The following ACYP2 variants were observed in gnomAD, a reference collection of about 807,000 sequenced individuals.
ACYP2 encodes acylphosphatase-2.
In ACYP2, 12 loss-of-function variants were observed where a neutral mutation model predicts 11.2. The observed-to-expected ratio is 1.08, with a 90% CI of 0.69 to 1.74. The LOEUF (loss-of-function observed/expected upper bound fraction) is 1.74. ACYP2 is among the 40% of genes most tolerant of loss of function. The pLI is 0.00. For synonymous variants in ACYP2, 43 were observed against 32.2 expected, an observed-to-expected ratio of 1.33 and a Z score of -1.13; for missense variants, 134 against 101.9, an observed-to-expected ratio of 1.31 and a Z score of -1.35.
chr2:54,124,098 T>G (rs1013011984), intron 4 of ACYP2, among the ~76,000 whole-genome samples: 1 of 152,118 alleles, frequency 6.6e-6, no homozygotes, highest in Non-Finnish European at 1.5e-5. Context: ...AAAGGACACA[T>G]TACAAAAAGA....
chr2:54,080,903 G>A (rs575284978), intron 4 of ACYP2, among the ~76,000 whole-genome samples: 1 of 152,262 alleles, frequency 6.6e-6, no homozygotes, highest in Admixed American at 6.5e-5. Flanking sequence ...TAGGATTATA[G>A]GGGTTAGCCA....
intron 6 of ACYP2, among the ~76,000 whole-genome samples, chr2:54,245,497 T>C (rs1332445864): frequency 6.6e-6 from 1 of 151,840 alleles, no homozygotes; most frequent in Non-Finnish European, 1.5e-5. Flanking sequence ...CCACCAACAG[T>C]GTGTAAGTGT....
intron 4 of ACYP2, among the ~76,000 whole-genome samples, chr2:54,090,500 G>A (rs1034002526): frequency 1.8e-4 from 27 of 152,102 alleles, no homozygotes; most frequent in African/African-American, 4.8e-4. Flanking sequence ...GCGGGGTGGC[G>A]TGCGCCTGGA....
chr2:53,978,425 A>T (rs1387469807), intron 2 of ACYP2, among the ~76,000 whole-genome samples: 1 of 152,212 alleles, frequency 6.6e-6, no homozygotes, highest in Non-Finnish European at 1.5e-5. Flanking sequence ...TGTACAGCAT[A>T]ATGATGTTTT....
chr2:54,089,535 C>G (rs983866382), intron 4 of ACYP2, among the ~76,000 whole-genome samples: 1 of 151,366 alleles, frequency 6.6e-6, no homozygotes, highest in East Asian at 2.0e-4. Flanking sequence ...TTGAGGAGTT[C>G]GAGACCAGCC....
At chr2:54,225,243 G>C (rs534205018) in intron 6 of ACYP2, among the ~76,000 whole-genome samples, 1 of 152,302 alleles carries the variant, frequency 6.6e-6, no homozygotes, top group East Asian at 1.9e-4. Context: ...GCAGGGGTGA[G>C]CCAGGATATG....
At chr2:54,226,647 G>A (rs1264221647) in intron 6 of ACYP2, among the ~76,000 whole-genome samples, 1 of 152,206 alleles carries the variant, frequency 6.6e-6, no homozygotes, top group Non-Finnish European at 1.5e-5. Context: ...AGATGTGACA[G>A]AGGTCAGCCC....
intron 6 of ACYP2, chr2:54,254,980 C>G (rs1687422695): frequency 6.2e-7 from 1 of 1,614,112 alleles, no homozygotes; most frequent in African/African-American, 1.3e-5. Context: ...CAGGCGACGT[C>G]TAGCTCTATG....
chr2:54,196,613 T>C (rs1684491308), intron 6 of ACYP2, among the ~76,000 whole-genome samples: 1 of 152,252 alleles, frequency 6.6e-6, no homozygotes, highest in African/African-American at 2.4e-5. Flanking sequence ...TTTGGTGCTA[T>C]TGGCATTTGG....
Position 54,255,317 on chromosome 2 carries a change from T to C in ACYP2, c.405-49371T>C, listed in dbSNP as rs750879506. On this transcript the variant is annotated intron_variant, in intron 6 of 6. Transcript: ENST00000607452. The stretch of plus-strand genomic sequence containing the variant: ...TGTCTGAGCTCCTTCACTTCCAAAT[T>C]GGTTAAGTAGCTTAACATCTCGGCA... 4.3e-6 allele frequency: 7 copies of C among 1,614,066 alleles called. No homozygotes were observed. In the East Asian group the frequency reaches 1.1e-4, roughly 26 times the overall value.
At chr2:54,037,656 C>G (rs1026259652) in intron 2 of ACYP2, among the ~76,000 whole-genome samples, 3 of 152,164 alleles carry the variant, frequency 2.0e-5, no homozygotes, top group African/African-American at 7.2e-5. Flanking sequence ...GATCCTCCCC[C>G]CTCACCCTCC....
At chr2:54,019,878 C>T (rs1236484676) in intron 2 of ACYP2, among the ~76,000 whole-genome samples, 1 of 151,782 alleles carries the variant, frequency 6.6e-6, no homozygotes, top group Non-Finnish European at 1.5e-5. Context: ...CCTCGGCCTT[C>T]CAAAGTGCTG....
At chr2:54,174,130 C>A (rs1572889705) in intron 6 of ACYP2, among the ~76,000 whole-genome samples, 1 of 152,288 alleles carries the variant, frequency 6.6e-6, no homozygotes, top group African/African-American at 2.4e-5. Flanking sequence ...GGCAGTATGG[C>A]TATTTTCACA....
At chr2:54,026,202 A>G (rs1674277192) in intron 2 of ACYP2, among the ~76,000 whole-genome samples, 1 of 152,196 alleles carries the variant, frequency 6.6e-6, no homozygotes, top group Non-Finnish European at 1.5e-5. Context: ...AATGTCCAGA[A>G]TCTACAAGGA....
At chr2:54,160,143 A>G (rs1223395297) in intron 6 of ACYP2, among the ~76,000 whole-genome samples, 3 of 152,182 alleles carry the variant, frequency 2.0e-5, no homozygotes, top group Non-Finnish European at 4.4e-5. Context: ...AGGGGACTGG[A>G]GGTCAGTAGC....
intron 6 of ACYP2, among the ~76,000 whole-genome samples, chr2:54,249,077 G>C (rs1687087298): frequency 6.6e-6 from 1 of 152,080 alleles, no homozygotes; most frequent in Non-Finnish European, 1.5e-5. Context: ...GCTGATCTTG[G>C]ATGCAGTAGT....
chr2:54,046,219 T>C (rs573355007), intron 2 of ACYP2, among the ~76,000 whole-genome samples: 2 of 145,352 alleles, frequency 1.4e-5, no homozygotes, highest in East Asian at 4.2e-4. Context: ...CTTACACCTG[T>C]AATCCCAGCA....
chr2:54,129,285 G>C (rs1414666583), intron 4 of ACYP2, among the ~76,000 whole-genome samples: 1 of 152,104 alleles, frequency 6.6e-6, no homozygotes, highest in Non-Finnish European at 1.5e-5. Context: ...AGACTTTAGA[G>C]ATTTTTAATT....
At chr2:54,207,171 A>ATGTGTGTGTGTGTGTGTGTG (rs1462290345) in intron 6 of ACYP2, among the ~76,000 whole-genome samples, 28 of 68,484 alleles carry the variant, frequency 4.1e-4, no homozygotes, top group African/African-American at 1.1e-3. Flanking sequence ...TACAACATGT[A>ATGTGTGTGTGTGTGTGTGTG]TATGTGTGTG....
Sources: gnomAD v4.1 joint callset for allele counts (sites outside exome capture counted in the v4.1 genomes callset) on GRCh38, gnomAD v4.1.1 for gene constraint, MANE v1.5 for transcripts, NCBI Gene and HGNC (gene_info 2026-07-23, HGNC 2026-07-21) for gene names.